The following ZNF423 variants were observed in gnomAD, a reference collection of about 807,000 sequenced individuals.
ZNF423 encodes zinc finger protein 423.
A neutral mutation model predicts 95.8 loss-of-function variants in ZNF423; 12 were observed. That is an observed-to-expected ratio of 0.13 (90% confidence interval 0.08 to 0.20). The LOEUF is 0.20. Among genes scored for constraint, ZNF423 ranks in the 10% least tolerant of loss-of-function variants. ZNF423 has a pLI of 1.00. For synonymous variants in ZNF423, 749 were observed against 711.9 expected, an observed-to-expected ratio of 1.05 and a Z score of -0.83; for missense variants, 1,316 against 1,737.1, an observed-to-expected ratio of 0.76 and a Z score of 4.31.
At chr16:49,622,321 G>A (rs980406604) in intron 5 of ZNF423, among the ~76,000 whole-genome samples, 18 of 152,012 alleles carry the variant, frequency 1.2e-4, no homozygotes, top group East Asian at 1.9e-4. Context: ...ACTTGGTATC[G>A]GAGGTGCTCC....
chr16:49,674,035 T>C (rs912243342), intron 3 of ZNF423, among the ~76,000 whole-genome samples: 3 of 152,044 alleles, frequency 2.0e-5, no homozygotes, highest in African/African-American at 7.2e-5. Context: ...GTAGAGAAAA[T>C]AGCCAGAGCA....
Position 49,637,131 on chromosome 16 carries a change from T to C in ZNF423, c.2045A>G (p.Gln682Arg). ...TGTCAGGTGCTGCAGGAGGGACTCC[T>C]GGGAGTCAAAGTCCTCTTTGCACTG... ...CPQCKEDFDS[Q>R]ESLLQHLTVH... is the part of the protein sequence containing the mutation. Residue 682 changes from glutamine to arginine, a missense_variant, in exon 4 of 8, where the codon CAG becomes CGG. Around this residue, in one of 6 missense-constraint regions of ZNF423, gnomAD observed 620 missense variants for 775.6 expected, o/e 0.80. Transcript: ENST00000563137. The surrounding 1 kb of genome is among the most constrained non-coding windows in gnomAD (Gnocchi z 5.6). 6.2e-7 allele frequency: 1 copy of C among 1,613,604 alleles called. No individual in the cohort carries two copies. Among genetic ancestry groups the C allele is most frequent in the East Asian group, 2.2e-5 (1 of 44,884 alleles).
intron 5 of ZNF423, among the ~76,000 whole-genome samples, chr16:49,614,455 C>T (rs1321170944): frequency 1.3e-5 from 2 of 151,958 alleles, no homozygotes; most frequent in African/African-American, 4.8e-5. Flanking sequence ...GGAATTTACC[C>T]CCAAAATAAC....
chr16:49,754,956 G>T (rs1446896579), intron 2 of ZNF423, among the ~76,000 whole-genome samples: 4 of 152,188 alleles, frequency 2.6e-5, no homozygotes, highest in Admixed American at 2.6e-4. Flanking sequence ...TTCTGACTCA[G>T]GGTTTTCAGC....
intron 7 of ZNF423, among the ~76,000 whole-genome samples, chr16:49,514,857 C>T (rs1258613183): frequency 1.3e-5 from 2 of 152,214 alleles, no homozygotes; most frequent in African/African-American, 4.8e-5. Flanking sequence ...ACCCCAAAAC[C>T]ATCTTCATCA....
intron 5 of ZNF423, among the ~76,000 whole-genome samples, chr16:49,586,850 T>C (rs143972378): frequency 4.9e-4 from 75 of 152,278 alleles, no homozygotes; most frequent in African/African-American, 1.7e-3. Flanking sequence ...CTGGCTGATT[T>C]TTCTTGTTCA....
intron 5 of ZNF423, among the ~76,000 whole-genome samples, chr16:49,557,254 C>T (rs1445854151): frequency 1.3e-5 from 2 of 152,210 alleles, no homozygotes; most frequent in Admixed American, 6.5e-5. Context: ...GGTGAGGCCA[C>T]GGTAAATTCT....
chr16:49,520,437 A>G (rs1220120000), intron 7 of ZNF423, among the ~76,000 whole-genome samples: 1 of 152,222 alleles, frequency 6.6e-6, no homozygotes. Context: ...GGAGGGAGAC[A>G]TGTCAATGTT....
chr16:49,824,151 G>A (rs554993896), intron 1 of ZNF423, among the ~76,000 whole-genome samples: 17 of 152,206 alleles, frequency 1.1e-4, no homozygotes, highest in South Asian at 4.2e-4. Flanking sequence ...CAAAACTGGG[G>A]GGGAATGTCC....
chr16:49,728,070 A>T (rs1339975723), intron 3 of ZNF423, among the ~76,000 whole-genome samples: 1 of 152,158 alleles, frequency 6.6e-6, no homozygotes, highest in Non-Finnish European at 1.5e-5. Flanking sequence ...CCTCAGTCTG[A>T]CAGGCCCCAG....
At chr16:49,775,929 C>A (rs2034112440) in intron 2 of ZNF423, among the ~76,000 whole-genome samples, 1 of 152,198 alleles carries the variant, frequency 6.6e-6, no homozygotes, top group African/African-American at 2.4e-5. Flanking sequence ...TAACCCTAAC[C>A]CTGATAACCA....
chr16:49,540,302 G>A (rs538215922), intron 5 of ZNF423, among the ~76,000 whole-genome samples: 8 of 152,260 alleles, frequency 5.3e-5, no homozygotes, highest in East Asian at 3.9e-4. Context: ...GTTTTGTTTC[G>A]TTCTGTTTTT....
intron 1 of ZNF423, among the ~76,000 whole-genome samples, chr16:49,807,171 C>T (rs1371354912): frequency 6.6e-6 from 1 of 152,052 alleles, no homozygotes; most frequent in African/African-American, 2.4e-5. Context: ...GTGGCTCACG[C>T]CTGTAATTCC....
At chr16:49,571,504 A>G (rs560320776) in intron 5 of ZNF423, among the ~76,000 whole-genome samples, 3 of 152,148 alleles carry the variant, frequency 2.0e-5, no homozygotes, top group Admixed American at 6.5e-5. Context: ...CTGTGGCTGG[A>G]ATGCAGAGTG....
intron 7 of ZNF423, among the ~76,000 whole-genome samples, chr16:49,519,047 G>C (rs1325959050): frequency 6.6e-6 from 1 of 152,202 alleles, no homozygotes; most frequent in South Asian, 2.1e-4. Flanking sequence ...CTGGGTGACA[G>C]AGCCAGACCC....
chr16:49,491,542 CT>C (rs35641691), intron 7 of ZNF423, among the ~76,000 whole-genome samples: 1,873 of 111,208 alleles, frequency 0.017, 17 homozygotes, highest in Non-Finnish European at 0.019. Flanking sequence ...TGTTTTTTGG[CT>C]TTTTTTTTTT....
At chr16:49,759,181 C>T (rs1408971188) in intron 2 of ZNF423, among the ~76,000 whole-genome samples, 4 of 152,114 alleles carry the variant, frequency 2.6e-5, no homozygotes, top group East Asian at 1.9e-4. Flanking sequence ...GGGCAGATCA[C>T]GAGGCCAGGA....
intron 1 of ZNF423, chr16:49,847,098 C>CA (rs1418273990): frequency 6.6e-6 from 1 of 152,082 alleles, no homozygotes; most frequent in African/African-American, 2.4e-5. Flanking sequence ...GACAACACTG[C>CA]AAAAAATAAT....
intron 1 of ZNF423, among the ~76,000 whole-genome samples, chr16:49,811,087 G>A (rs2034744126): frequency 6.6e-6 from 1 of 152,238 alleles, no homozygotes. Flanking sequence ...TCACAGAGAA[G>A]ACAGACTGCG....
Sources: allele counts gnomAD v4.1 joint callset (sites outside exome capture counted in the v4.1 genomes callset), GRCh38; gene constraint gnomAD v4.1.1; regional missense constraint gnomAD v4.1.1; non-coding constraint Gnocchi (gnomAD v3.1); transcripts MANE v1.5; gene names NCBI Gene and HGNC (gene_info 2026-07-23, HGNC 2026-07-21).